Variants in LCORL observed in about 807,000 individuals in gnomAD.
The protein encoded by LCORL is ligand-dependent nuclear receptor corepressor-like protein.
LCORL carries 41 observed loss-of-function variants against 141.8 expected under a neutral mutation model. That is an observed-to-expected ratio of 0.29 (90% confidence interval 0.23 to 0.38). The LOEUF (loss-of-function observed/expected upper bound fraction) is 0.38. LCORL is among the 10% of genes least tolerant of loss of function. The pLI, the probability that LCORL is intolerant of heterozygous loss-of-function variation, is 1.00. For synonymous variants in LCORL, 618 were observed against 694.1 expected (o/e 0.89, Z 1.72); for missense variants, 1,759 against 2,035.0 (o/e 0.86, Z 2.61).
intron 1 of LCORL, among the ~76,000 whole-genome samples, chr4:18,014,074 C>A (rs1724245553): frequency 1.3e-5 from 2 of 152,002 alleles, no homozygotes; most frequent in African/African-American, 4.8e-5. Context: ...TCCCAAAGTG[C>A]TAGGATTACA....
chr4:17,940,596 G>C (rs1404209900), intron 4 of LCORL, among the ~76,000 whole-genome samples: 1 of 126,764 alleles, frequency 7.9e-6, no homozygotes, highest in Non-Finnish European at 1.7e-5. Context: ...AAGTAGTTGA[G>C]AATGTAAAAA....
chr4:17,923,063 C>T (rs965159423), intron 4 of LCORL, among the ~76,000 whole-genome samples: 9 of 152,270 alleles, frequency 5.9e-5, no homozygotes, highest in African/African-American at 1.7e-4. Context: ...ACTAAAGTCC[C>T]GGCAGGCCCC....
chr4:17,870,125 T>C (rs1726163217), intron 7 of LCORL, among the ~76,000 whole-genome samples: 1 of 152,124 alleles, frequency 6.6e-6, no homozygotes, highest in Admixed American at 6.6e-5. Flanking sequence ...TTCTGATAAA[T>C]TACTCAATAT....
chr4:17,910,492 A>C lies in LCORL; in HGVS notation c.431-1147T>G, dbSNP rs74365339. 7.9e-3 allele frequency among the ~76,000 whole-genome samples: 1,197 copies of C among 152,268 alleles called. 11 individuals are homozygous for C. Among genetic ancestry groups the C allele is most frequent in the African/African-American group, 0.027 (1,129 of 41,550 alleles). The stretch of plus-strand genomic sequence containing the variant: ...TACTCAGGTAGATCAGTGTTATATG[A>C]ATAGGCTTTCTCTGATCCATGGCTG... On this transcript the variant is annotated intron_variant, in intron 4 of 7. Coordinates refer to ENST00000635767, the Ensembl canonical transcript of LCORL.
chr4:17,970,480 T>A (rs564144448), intron 2 of LCORL, among the ~76,000 whole-genome samples: 35 of 152,286 alleles, frequency 2.3e-4, no homozygotes, highest in African/African-American at 7.9e-4. Context: ...AAACTCTGAA[T>A]ACACAAGGTA....
intron 5 of LCORL, among the ~76,000 whole-genome samples, chr4:17,907,189 T>C (rs140995922): frequency 6.6e-6 from 1 of 152,352 alleles, no homozygotes; most frequent in Non-Finnish European, 1.5e-5. Flanking sequence ...CCTACGTTAC[T>C]GTAACAGCCA....
At chr4:17,871,800 A>C (rs1726368026) in intron 7 of LCORL, among the ~76,000 whole-genome samples, 1 of 151,884 alleles carries the variant, frequency 6.6e-6, no homozygotes, top group Middle Eastern at 3.2e-3. Context: ...TCCTAAGAAC[A>C]AGAAACAGGG....
At chr4:17,925,878 C>CA (rs71167343) in intron 4 of LCORL, among the ~76,000 whole-genome samples, 1,792 of 96,478 alleles carry the variant, frequency 0.019, 267 homozygotes, top group African/African-American at 0.074. Context: ...GATTCCATCT[C>CA]AAAAAAAAAA....
At chr4:17,922,300 A>T (rs528465780) in intron 4 of LCORL, among the ~76,000 whole-genome samples, 16 of 152,192 alleles carry the variant, frequency 1.1e-4, no homozygotes, top group African/African-American at 3.6e-4. Flanking sequence ...AATGTTAAGG[A>T]CTCTACTTCT....
intron 7 of LCORL, among the ~76,000 whole-genome samples, chr4:17,855,553 C>T (rs540420500): frequency 5.9e-5 from 9 of 152,122 alleles, no homozygotes; most frequent in Non-Finnish European, 1.0e-4. Flanking sequence ...TTTACTCATC[C>T]TTAAATTTAC....
intron 5 of LCORL, among the ~76,000 whole-genome samples, chr4:17,903,946 C>T (rs1731246549): frequency 6.6e-6 from 1 of 151,696 alleles, no homozygotes; most frequent in Non-Finnish European, 1.5e-5. Context: ...GAAAGAAAAA[C>T]AAAACAAGAT....
rs183751267 is a variant in LCORL, at chr4:17,852,565, A to G, written c.5603-6664T>C. Among the ~76,000 whole-genome samples, 51 of 152,302 alleles carry G rather than the reference A, an allele frequency of 3.3e-4. No homozygotes were observed. In the East Asian group the frequency reaches 4.2e-3, roughly 13 times the overall value. On this transcript the variant is annotated intron_variant, in intron 7 of 7. Coordinates refer to ENST00000635767, the Ensembl canonical transcript of LCORL. ...AGAAGTGGGAGGAGAAGTGCTTATC[A>G]TAAGTAAGGCCTCTTCTCTATCAAA... is the stretch of plus-strand genomic sequence containing the variant.
At chr4:17,980,518 G>A (rs1717790018) in intron 1 of LCORL, among the ~76,000 whole-genome samples, 2 of 152,102 alleles carry the variant, frequency 1.3e-5, no homozygotes, top group Non-Finnish European at 2.9e-5. Context: ...ACAAATACGT[G>A]GTACTCACAA....
At chr4:17,898,149 A>C (rs1326895454) in intron 5 of LCORL, among the ~76,000 whole-genome samples, 1 of 152,144 alleles carries the variant, frequency 6.6e-6, no homozygotes, top group Non-Finnish European at 1.5e-5. Context: ...TGACAACATT[A>C]TTACTAGTAT....
At chr4:17,906,414 A>G (rs1473633832) in intron 5 of LCORL, among the ~76,000 whole-genome samples, 1 of 152,124 alleles carries the variant, frequency 6.6e-6, no homozygotes, top group East Asian at 1.9e-4. Context: ...ACCACATTAA[A>G]CTAAATAATT....
intron 4 of LCORL, among the ~76,000 whole-genome samples, chr4:17,917,420 C>T (rs994849820): frequency 1.3e-5 from 2 of 152,074 alleles, no homozygotes; most frequent in Non-Finnish European, 2.9e-5. Context: ...CTTGAACTCC[C>T]GACCTCAGGT....
intron 7 of LCORL, among the ~76,000 whole-genome samples, chr4:17,857,717 C>T (rs781403993): frequency 2.6e-5 from 4 of 152,208 alleles, no homozygotes; most frequent in Non-Finnish European, 4.4e-5. Flanking sequence ...ATAGCACCTT[C>T]TAAATGTAAG....
intron 4 of LCORL, among the ~76,000 whole-genome samples, chr4:17,953,910 T>A (rs1712000388): frequency 6.6e-6 from 1 of 152,160 alleles, no homozygotes. Context: ...ACGCCTGTAA[T>A]CCCAGCACTT....
At chr4:17,867,621 A>G (rs1725833040) in intron 7 of LCORL, among the ~76,000 whole-genome samples, 1 of 152,242 alleles carries the variant, frequency 6.6e-6, no homozygotes, top group African/African-American at 2.4e-5. Flanking sequence ...TAAAAACTTG[A>G]AATATCTTCT....
Sources: gnomAD v4.1 joint callset for allele counts (sites outside exome capture counted in the v4.1 genomes callset) on GRCh38, gnomAD v4.1.1 for gene constraint, MANE v1.5 for transcripts, NCBI Gene and HGNC (gene_info 2026-07-23, HGNC 2026-07-21) for gene names.